Variants in SEMA6D observed in about 807,000 individuals in gnomAD.
The protein encoded by SEMA6D is semaphorin 6D, also known as semaphorin-6D.
Under a neutral mutation model 106.6 loss-of-function variants are expected in SEMA6D, and 35 were observed. That is an observed-to-expected ratio of 0.33 (90% CI 0.25 to 0.44). The LOEUF (loss-of-function observed/expected upper bound fraction) is 0.44, where lower values mean the gene tolerates loss of function less well. Ranked by LOEUF, SEMA6D falls within the 20% of genes least tolerant of loss-of-function variation. The probability of loss-of-function intolerance (pLI) is 1.00; values close to 1 mark genes in which losing one functional copy is unlikely to be tolerated. For missense variants in SEMA6D, 1,185 were observed against 1,345.9 expected (o/e 0.88, Z 1.87); for synonymous variants, 499 against 487.7 (o/e 1.02, Z -0.31).
At chr15:47,570,270 G>A (rs1438615298) in intron 3 of SEMA6D, among the ~76,000 whole-genome samples, 1 of 152,126 alleles carries the variant, frequency 6.6e-6, no homozygotes, top group East Asian at 1.9e-4. Flanking sequence ...GAGACCTGTG[G>A]ACTCATAAAG....
intron 1 of SEMA6D, among the ~76,000 whole-genome samples, chr15:47,751,822 A>G (rs1596993780): frequency 6.6e-6 from 1 of 152,182 alleles, no homozygotes; most frequent in African/African-American, 2.4e-5. Context: ...GGAATTGACA[A>G]CTGTGAGATA....
At chr15:47,698,235 A>G (rs1456357097) in intron 4 of SEMA6D, among the ~76,000 whole-genome samples, 1 of 152,200 alleles carries the variant, frequency 6.6e-6, no homozygotes, top group East Asian at 1.9e-4. Context: ...TCAATAAACA[A>G]TGAAATGCAA....
chr15:47,714,619 A>G (rs1053677502), upstream of SEMA6D, among the ~76,000 whole-genome samples: 1 of 152,248 alleles, frequency 6.6e-6, no homozygotes, highest in Non-Finnish European at 1.5e-5. Flanking sequence ...ATAATCACTA[A>G]CCATGTAAAG....
intron 3 of SEMA6D, among the ~76,000 whole-genome samples, chr15:47,555,718 A>G (rs1307113022): frequency 2.0e-5 from 3 of 152,176 alleles, no homozygotes; most frequent in African/African-American, 7.2e-5. Context: ...TACTTAGTAG[A>G]CCATATTTTG....
intron 2 of SEMA6D, among the ~76,000 whole-genome samples, chr15:47,448,482 A>G (rs868779166): frequency 2.0e-5 from 3 of 152,132 alleles, no homozygotes; most frequent in Non-Finnish European, 2.9e-5. Flanking sequence ...CCTTGGAGGA[A>G]TAATGCCTGA....
chr15:47,765,051 T>A lies in SEMA6D; in HGVS notation c.1422T>A (p.His474Gln). 1 of 1,613,700 alleles carries A rather than the reference T, an allele frequency of 6.2e-7. No individual in the cohort carries two copies. Among genetic ancestry groups the A allele is most frequent in the South Asian group, 1.1e-5 (1 of 91,064 alleles). Residue 474 changes from histidine (H) to glutamine (Q), a missense_variant, in exon 13 of 19, where the codon CAT becomes CAA. Coordinates refer to ENST00000536845, the MANE Select transcript of SEMA6D (RefSeq NM_001358351.3). The part of the protein sequence containing the change: ...VLLEEIEAYN[H>Q]AKCSAENEED... ...TGGAAGAGATTGAAGCCTACAACCATGCAAAGTAGGTATATGTTACGAGAA... is the reference window on the plus strand; with the variant it reads ...TGGAAGAGATTGAAGCCTACAACCAAGCAAAGTAGGTATATGTTACGAGAA...
chr15:47,296,639 A>T (rs1431201225), intron 1 of SEMA6D, among the ~76,000 whole-genome samples: 6 of 152,240 alleles, frequency 3.9e-5, no homozygotes. Flanking sequence ...TTAACTGGGG[A>T]TTCCTTCAGA....
intron 2 of SEMA6D, among the ~76,000 whole-genome samples, chr15:47,448,426 G>A (rs534906861): frequency 6.6e-6 from 1 of 152,214 alleles, no homozygotes; most frequent in South Asian, 2.1e-4. Flanking sequence ...CCTGGTTATT[G>A]ACACCTGATC....
chr15:47,457,578 C>G (rs988047481), intron 2 of SEMA6D, among the ~76,000 whole-genome samples: 9 of 151,884 alleles, frequency 5.9e-5, no homozygotes, highest in Non-Finnish European at 1.0e-4. Context: ...TAGGAAGAGA[C>G]TATCCGAAGA....
intron 1 of SEMA6D, among the ~76,000 whole-genome samples, chr15:47,378,271 C>T (rs992148547): frequency 6.6e-6 from 1 of 152,130 alleles, no homozygotes; most frequent in African/African-American, 2.4e-5. Context: ...CTGAGGCGGG[C>T]GATCACCTGA....
intron 1 of SEMA6D, among the ~76,000 whole-genome samples, chr15:47,374,880 T>C (rs2039396977): frequency 6.6e-6 from 1 of 152,182 alleles, no homozygotes; most frequent in Non-Finnish European, 1.5e-5. Flanking sequence ...AAAATGTCTT[T>C]ACTCCTCCTG....
chr15:47,212,190 A>C (rs1366078476), intron 1 of SEMA6D, among the ~76,000 whole-genome samples: 1 of 152,188 alleles, frequency 6.6e-6, no homozygotes, highest in Non-Finnish European at 1.5e-5. Flanking sequence ...GCTTAGGAAA[A>C]ATTTAGGACA....
chr15:47,323,904 T>C lies in SEMA6D; in HGVS notation c.-238-88489T>C, dbSNP rs140754493. Among the ~76,000 whole-genome samples, 30 of 152,094 alleles carry C rather than the reference T, an allele frequency of 2.0e-4. No individual in the cohort carries two copies. The East Asian group carries it at 5.8e-3, about 29-fold the overall frequency. ...AAACTGCTTTCTGAGTTAACTAATG[T>C]CATTGTCAAAAGGAATAGGCATGAG... On this transcript the variant is annotated intron_variant, in intron 1 of 19. Transcript: ENST00000558014.
intron 3 of SEMA6D, among the ~76,000 whole-genome samples, chr15:47,513,394 C>T (rs1355122635): frequency 1.3e-5 from 2 of 152,108 alleles, no homozygotes; most frequent in Admixed American, 1.3e-4. Context: ...AATCTCTATT[C>T]CACTACATTT....
chr15:47,365,250 C>T (rs1338167197), intron 1 of SEMA6D, among the ~76,000 whole-genome samples: 1 of 152,160 alleles, frequency 6.6e-6, no homozygotes, highest in Non-Finnish European at 1.5e-5. Context: ...ATGCTTTGCA[C>T]ACAGTTTGGA....
At chr15:47,666,791 A>G (rs755026856) in intron 4 of SEMA6D, among the ~76,000 whole-genome samples, 2 of 152,180 alleles carry the variant, frequency 1.3e-5, no homozygotes, top group Admixed American at 6.5e-5. Flanking sequence ...AAGCTACTCA[A>G]TGTAAATGTA....
At chr15:47,589,645 T>C (rs1354568647) in intron 3 of SEMA6D, among the ~76,000 whole-genome samples, 1 of 152,266 alleles carries the variant, frequency 6.6e-6, no homozygotes, top group Non-Finnish European at 1.5e-5. Flanking sequence ...TATTCTTGCA[T>C]ACATATTTCC....
chr15:47,280,921 A>T (rs1595621847), intron 1 of SEMA6D, among the ~76,000 whole-genome samples: 1 of 29,412 alleles, frequency 3.4e-5, no homozygotes, highest in East Asian at 3.7e-4. Flanking sequence ...GTTCCTTTAC[A>T]TTTGCTGAGG....
chr15:47,584,754 C>A (rs918133448), intron 3 of SEMA6D, among the ~76,000 whole-genome samples: 1 of 152,110 alleles, frequency 6.6e-6, no homozygotes, highest in Non-Finnish European at 1.5e-5. Context: ...CTCTCATACC[C>A]CCAGGGCAAA....
Sources: allele counts gnomAD v4.1 joint callset (sites outside exome capture counted in the v4.1 genomes callset), GRCh38; gene constraint gnomAD v4.1.1; transcripts MANE v1.5; gene names NCBI Gene and HGNC (gene_info 2026-07-23, HGNC 2026-07-21).